Variants in MRPS9 observed in about 807,000 individuals in gnomAD.
MRPS9 encodes small ribosomal subunit protein uS9m.
A neutral mutation model predicts 59.9 loss-of-function variants in MRPS9; 45 were observed. The observed-to-expected ratio is 0.75, with a 90% CI of 0.59 to 0.96. The LOEUF (loss-of-function observed/expected upper bound fraction) is 0.96, where lower values mean the gene tolerates loss of function less well. Among genes scored for constraint, MRPS9 ranks in the 40% least tolerant of loss-of-function variants. MRPS9 has a pLI of 0.00. For synonymous variants in MRPS9, 171 were observed against 166.8 expected (o/e 1.03, Z -0.19); for missense variants, 473 against 481.1 (o/e 0.98, Z 0.16).
chr2:105,073,214 A>C (rs1680146445), intron 4 of MRPS9, among the ~76,000 whole-genome samples: 1 of 151,620 alleles, frequency 6.6e-6, no homozygotes, highest in South Asian at 2.1e-4. Context: ...CTTCTTATAC[A>C]TCTGCCCCTC....
chr2:105,044,545 T>C (rs1355627403), intron 1 of MRPS9, among the ~76,000 whole-genome samples: 3 of 152,326 alleles, frequency 2.0e-5, no homozygotes, highest in South Asian at 2.1e-4. Context: ...CTAAGGACTT[T>C]TTATGAAAAA....
chr2:105,045,201 T>C (rs1186310430), intron 1 of MRPS9, among the ~76,000 whole-genome samples: 1 of 152,134 alleles, frequency 6.6e-6, no homozygotes, highest in Admixed American at 6.5e-5. Context: ...TAAGAATTCA[T>C]TGGATATTTA....
At position 105,038,244 on chromosome 2, in the gene MRPS9, CTG is replaced by C; in HGVS notation, c.135+18_135+19del. The C allele has an allele frequency of 6.2e-7, 1 of 1,604,948 alleles. No homozygotes were observed. The highest frequency in any genetic ancestry group is 8.5e-7 in the Non-Finnish European group (1 of 1,175,668). The stretch of plus-strand genomic sequence containing the variant: ...AGATCCCAGGTAAGGCCTGGGAAGA[CTG>C]GAAGCGGCTTACCTCTGCCGCGCGA... On this transcript the variant is annotated intron_variant, in intron 1 of 10. Coordinates refer to ENST00000258455, the MANE Select transcript of MRPS9 (RefSeq NM_182640.3).
chr2:105,048,992 G>A (rs183990053), intron 1 of MRPS9, among the ~76,000 whole-genome samples, 179 bp from the exon 2 acceptor site: 2 of 151,900 alleles, frequency 1.3e-5, no homozygotes, highest in African/African-American at 4.8e-5. Context: ...TTTGAGTAGG[G>A]GACACATTCT....
chr2:105,060,894 G>A (rs911712723), intron 2 of MRPS9, among the ~76,000 whole-genome samples: 4 of 151,436 alleles, frequency 2.6e-5, no homozygotes, highest in Admixed American at 2.0e-4. Flanking sequence ...GGCAGATCAC[G>A]AGGTCAGGAG....
intron 4 of MRPS9, among the ~76,000 whole-genome samples, chr2:105,074,315 C>T (rs545636635): frequency 9.9e-4 from 151 of 152,084 alleles, no homozygotes; most frequent in Non-Finnish European, 1.7e-3. Flanking sequence ...AAAACCATGT[C>T]ATTCTTTGAA....
intron 2 of MRPS9, among the ~76,000 whole-genome samples, chr2:105,060,017 T>TAAAAAAAAAAAAAAAAAAAAAAAA (rs10547330): frequency 2.0e-5 from 2 of 100,606 alleles, no homozygotes; most frequent in Non-Finnish European, 3.9e-5. Context: ...GGAAAACTGC[T>TAAAAAAAAAAAAAAAAAAAAAAAA]AAAAAAAAAA....
chr2:105,093,737 C>A (rs1185809197), intron 9 of MRPS9, 99 bp downstream of exon 9: 1 of 539,156 alleles, frequency 1.9e-6, no homozygotes. Context: ...TTCTGTTTAT[C>A]TGAATGATTA....
intron 2 of MRPS9, among the ~76,000 whole-genome samples, chr2:105,051,679 G>T (rs1679713290): frequency 6.6e-6 from 1 of 152,134 alleles, no homozygotes; most frequent in African/African-American, 2.4e-5. Context: ...AACATGGGGT[G>T]TCCCTCTATA....
rs373508801 is a variant in MRPS9, at chr2:105,086,288, C to G, written c.490-2696C>G. ...TTGTAAGCATTTGCCACAAATGAAT[C>G]GAATTCATCGTGTTTGAAATCTGAC... On this transcript the variant is annotated intron_variant, in intron 5 of 10. Coordinates refer to ENST00000258455, the MANE Select transcript of MRPS9 (RefSeq NM_182640.3). Among the ~76,000 whole-genome samples, 9 of 152,220 alleles carry G rather than the reference C, an allele frequency of 5.9e-5. No homozygotes were observed. The South Asian group carries it at 1.9e-3, about 32-fold the overall frequency.
chr2:105,060,716 T>G (rs1409076814), intron 2 of MRPS9, among the ~76,000 whole-genome samples: 1 of 152,196 alleles, frequency 6.6e-6, no homozygotes, highest in African/African-American at 2.4e-5. Flanking sequence ...GTCTACCATT[T>G]GCAATGAGAA....
intron 5 of MRPS9, among the ~76,000 whole-genome samples, chr2:105,085,543 G>A (rs1443115692): frequency 6.6e-6 from 1 of 152,074 alleles, no homozygotes; most frequent in Non-Finnish European, 1.5e-5. Context: ...GATTTCAGAA[G>A]GATACTAAAA....
chr2:105,056,619 T>G lies in MRPS9; in HGVS notation c.315+7269T>G, dbSNP rs76581093. On this transcript the variant is annotated intron_variant, in intron 2 of 10. Coordinates refer to ENST00000258455, the MANE Select transcript of MRPS9 (RefSeq NM_182640.3). ...TGCCCCTCCTAGTAAGTAAAATTCA[T>G]GAATTTATGTCAGCTATTGCAGTTC... Among the ~76,000 whole-genome samples the G allele has an allele frequency of 3.1e-3, 469 of 152,338 alleles. 2 individuals are homozygous for G. The highest frequency in any genetic ancestry group is 0.011 in the African/African-American group (443 of 41,590).
At chr2:105,072,527 T>G (rs1057487644) in intron 4 of MRPS9, among the ~76,000 whole-genome samples, 3 of 152,212 alleles carry the variant, frequency 2.0e-5, no homozygotes, top group Middle Eastern at 3.2e-3. Context: ...AATTCATGTA[T>G]TTATAGAAAT....
At chr2:105,053,383 A>G (rs865953688) in intron 2 of MRPS9, among the ~76,000 whole-genome samples, 3 of 152,224 alleles carry the variant, frequency 2.0e-5, no homozygotes, top group Admixed American at 2.0e-4. Flanking sequence ...CGTTGTATTC[A>G]GATTAAGCTA....
intron 5 of MRPS9, among the ~76,000 whole-genome samples, chr2:105,087,500 A>G (rs1573445748): frequency 6.6e-6 from 1 of 152,260 alleles, no homozygotes; most frequent in East Asian, 1.9e-4. Context: ...GTTTTGAGAT[A>G]TTCATGTCTA....
chr2:105,052,578 T>TTTTCTTAC (rs1679731938), intron 2 of MRPS9, among the ~76,000 whole-genome samples: 1 of 152,234 alleles, frequency 6.6e-6, no homozygotes, highest in Non-Finnish European at 1.5e-5. Flanking sequence ...TATTGGTCTG[T>TTTTCTTAC]AGTTTTCTTA....
At chr2:105,044,473 A>G (rs1679558694) in intron 1 of MRPS9, among the ~76,000 whole-genome samples, 1 of 152,192 alleles carries the variant, frequency 6.6e-6, no homozygotes, top group East Asian at 1.9e-4. Flanking sequence ...TAAATTTAAT[A>G]TTATAAATTT....
intron 4 of MRPS9, among the ~76,000 whole-genome samples, chr2:105,074,416 ATAT>A (rs1297657148): frequency 1.3e-5 from 2 of 152,232 alleles, no homozygotes; most frequent in Non-Finnish European, 2.9e-5. Flanking sequence ...GTAAATAATA[ATAT>A]TCAGAGGGTA....
Sources: allele counts gnomAD v4.1 joint callset (sites outside exome capture counted in the v4.1 genomes callset), GRCh38; gene constraint gnomAD v4.1.1; transcripts MANE v1.5; gene names NCBI Gene and HGNC (gene_info 2026-07-23, HGNC 2026-07-21).